Variants in C4orf36 observed in about 807,000 individuals in gnomAD.
C4orf36 encodes chromosome 4 open reading frame 36, also known as uncharacterized protein C4orf36.
Under a neutral mutation model 12.2 loss-of-function variants are expected in C4orf36, and 11 were observed. The ratio of observed to expected loss-of-function variants is 0.90; its 90% confidence interval spans 0.57 to 1.49. The LOEUF (loss-of-function observed/expected upper bound fraction) is 1.49. C4orf36 is among the 40% of genes most tolerant of loss of function. The pLI is 0.00. For missense variants in C4orf36, 137 were observed against 133.9 expected, an observed-to-expected ratio of 1.02 and a Z score of -0.11; for synonymous variants, 54 against 51.3, an observed-to-expected ratio of 1.05 and a Z score of -0.22.
the C4orf36 span, among the ~76,000 whole-genome samples, chr4:86,920,748 T>G: frequency 6.6e-6 from 1 of 152,204 alleles, no homozygotes; most frequent in Non-Finnish European, 1.5e-5. Context: ...ATAACAACAT[T>G]AATCCATTCA....
the C4orf36 span, among the ~76,000 whole-genome samples, chr4:86,915,099 C>T: frequency 1.3e-5 from 2 of 152,158 alleles, no homozygotes; most frequent in Non-Finnish European, 2.9e-5. Flanking sequence ...ATCCTCCTCA[C>T]CCCATTGTAT....
At chr4:86,885,267 G>T (rs1747149247) in intron 4 of C4orf36, among the ~76,000 whole-genome samples, 1 of 152,084 alleles carries the variant, frequency 6.6e-6, no homozygotes, top group South Asian at 2.1e-4. Context: ...GGATGGCATT[G>T]AATCTATAAA....
At chr4:86,918,446 T>A in the C4orf36 span, among the ~76,000 whole-genome samples, 1 of 152,318 alleles carries the variant, frequency 6.6e-6, no homozygotes, top group East Asian at 1.9e-4. Flanking sequence ...AACCCACTTA[T>A]AAAATGTTTC....
rs973986120 is a variant in C4orf36, at chr4:86,888,032, G to T, written c.220+89C>A. On this transcript the variant is annotated intron_variant, in intron 3 of 4. Transcript: ENST00000295898. ...CAGAGCTACAAAGATAGGAGGTATGGGTGTAAATACACAGATTTAAACATT... is the reference window on the plus strand; with the variant it reads ...CAGAGCTACAAAGATAGGAGGTATGTGTGTAAATACACAGATTTAAACATT... The T allele has an allele frequency of 6.0e-5, 92 of 1,533,116 alleles. 1 individual carries two copies. The East Asian group carries it at 2.0e-3, about 33-fold the overall frequency. 95.0% of individuals were successfully genotyped at this position (1,533,116 alleles called of 1,614,324 possible).
At chr4:86,894,778 C>A (rs1457139776), upstream of C4orf36, among the ~76,000 whole-genome samples, 2 of 152,158 alleles carry the variant, frequency 1.3e-5, no homozygotes, top group Admixed American at 1.3e-4. Context: ...GAGAGACTGG[C>A]TGCCATTTGA....
chr4:86,892,899 C>T (rs1462101773), upstream of C4orf36, among the ~76,000 whole-genome samples: 4 of 152,170 alleles, frequency 2.6e-5, no homozygotes, highest in African/African-American at 9.7e-5. Flanking sequence ...CCACCCCTTA[C>T]GGTCAAATGA....
chr4:86,927,008 A>T, the C4orf36 span, among the ~76,000 whole-genome samples: 2 of 152,206 alleles, frequency 1.3e-5, no homozygotes, highest in Non-Finnish European at 2.9e-5. Flanking sequence ...TTTGTGCTAT[A>T]ATAGCAGAGT....
chr4:86,902,419 A>AC, the C4orf36 span, among the ~76,000 whole-genome samples: 1 of 13,200 alleles, frequency 7.6e-5, no homozygotes. Context: ...TGAGACTCTC[A>AC]AAAAAAAAAA....
At chr4:86,920,926 C>T in the C4orf36 span, among the ~76,000 whole-genome samples, 9,702 of 151,902 alleles carry the variant, frequency 0.064, 424 homozygotes, top group Non-Finnish European at 0.089. Flanking sequence ...AATCCCAGCA[C>T]GCCAAGGCAG....
intron 4 of C4orf36, 112 bp from the exon 5 acceptor site, chr4:86,876,555 G>C: frequency 6.2e-7 from 1 of 1,613,960 alleles, no homozygotes; most frequent in Non-Finnish European, 8.5e-7. Flanking sequence ...CAGTTTACAA[G>C]GACCTTTAGC....
chr4:86,887,970 C>A, intron 3 of C4orf36, 77 bp from the exon 4 acceptor site: 2 of 1,578,092 alleles, frequency 1.3e-6, no homozygotes. Flanking sequence ...GAATATCATA[C>A]AGCAAAATCC....
chr4:86,911,248 C>T, the C4orf36 span, among the ~76,000 whole-genome samples: 1 of 152,124 alleles, frequency 6.6e-6, no homozygotes, highest in African/African-American at 2.4e-5. Flanking sequence ...ATGGAGGAGA[C>T]TTACACTGGC....
the C4orf36 span, among the ~76,000 whole-genome samples, chr4:86,928,323 G>A: frequency 6.6e-6 from 1 of 152,196 alleles, no homozygotes; most frequent in Non-Finnish European, 1.5e-5. Context: ...TAGAAGCTGG[G>A]GCTATGGGGG....
intron 4 of C4orf36, among the ~76,000 whole-genome samples, chr4:86,877,890 T>G (rs1191741887): frequency 6.6e-6 from 1 of 152,242 alleles, no homozygotes; most frequent in Admixed American, 6.5e-5. Context: ...TGTACTGATA[T>G]GCTATCTAGA....
intron 4 of C4orf36, among the ~76,000 whole-genome samples, chr4:86,885,800 GT>G (rs1372937890): frequency 6.6e-6 from 1 of 152,142 alleles, no homozygotes; most frequent in Admixed American, 6.5e-5. Context: ...AATGCTTCCA[GT>G]TTTTGCCCAT....
At chr4:86,896,079 A>G (rs1019131370), upstream of C4orf36, among the ~76,000 whole-genome samples, 9 of 152,238 alleles carry the variant, frequency 5.9e-5, no homozygotes, top group African/African-American at 1.7e-4. Context: ...TTATCACACA[A>G]TAAATGCTAC....
the C4orf36 span, among the ~76,000 whole-genome samples, chr4:86,899,137 G>C: frequency 6.6e-6 from 1 of 152,100 alleles, no homozygotes; most frequent in Non-Finnish European, 1.5e-5. Flanking sequence ...ACCTCCTAAT[G>C]ATAAATCTGT....
upstream of C4orf36, among the ~76,000 whole-genome samples, chr4:86,893,234 C>T (rs1336114381): frequency 6.6e-6 from 1 of 152,180 alleles, no homozygotes; most frequent in Non-Finnish European, 1.5e-5. Context: ...AAGGGCTGCC[C>T]AGAGTCACAT....
chr4:86,909,264 C>T, the C4orf36 span, among the ~76,000 whole-genome samples: 1 of 152,160 alleles, frequency 6.6e-6, no homozygotes, highest in Non-Finnish European at 1.5e-5. Context: ...AGAGAATTCT[C>T]AAGACACCAA....
Sources: gnomAD v4.1 joint callset for allele counts (sites outside exome capture counted in the v4.1 genomes callset) on GRCh38, gnomAD v4.1.1 for gene constraint, MANE v1.5 for transcripts, NCBI Gene and HGNC (gene_info 2026-07-23, HGNC 2026-07-21) for gene names.